CASK: variants seen among roughly 807,000 people sequenced by gnomAD.
The protein encoded by CASK is peripheral plasma membrane protein CASK.
In CASK, 4 loss-of-function variants were observed where a neutral mutation model predicts 82.9. The ratio of observed to expected loss-of-function variants is 0.05; its 90% confidence interval spans 0.02 to 0.11. The LOEUF (loss-of-function observed/expected upper bound fraction) is 0.11, where lower values mean the gene tolerates loss of function less well. Ranked by LOEUF, CASK falls within the 10% of genes least tolerant of loss-of-function variation. The pLI, the probability that CASK is intolerant of heterozygous loss-of-function variation, is 1.00. For missense variants in CASK, 358 were observed against 720.9 expected (o/e 0.50, Z 5.76); for synonymous variants, 259 against 253.5 (o/e 1.02, Z -0.20).
intron 3 of CASK, among the ~76,000 whole-genome samples, chrX:41,767,940 A>G (rs1271194283): frequency 1.8e-5 from 2 of 111,992 alleles, no homozygotes; most frequent in Non-Finnish European, 3.8e-5. Flanking sequence ...GTGAGTTACT[A>G]AGTCCAACCT....
At chrX:41,562,359 G>A (rs1251793808) in intron 16 of CASK, 2 of 112,393 alleles carry the variant, frequency 1.8e-5, no homozygotes, top group African/African-American at 6.5e-5. Context: ...TATAAATTGT[G>A]CAGAAATGTA....
At chrX:41,901,548 A>G (rs1156819126) in intron 1 of CASK, among the ~76,000 whole-genome samples, 1 of 111,015 alleles carries the variant, frequency 9.0e-6, no homozygotes, top group Non-Finnish European at 1.9e-5. Context: ...TGGCTTTGGC[A>G]GGAAAAGCCT....
At chrX:41,852,094 C>G (rs1465491492) in intron 2 of CASK, among the ~76,000 whole-genome samples, 1 of 110,948 alleles carries the variant, frequency 9.0e-6, no homozygotes, top group Non-Finnish European at 1.9e-5. Context: ...TATTAAAGCA[C>G]TAAAAACAAA....
At chrX:41,842,735 T>C (rs2071069741) in intron 2 of CASK, among the ~76,000 whole-genome samples, 1 of 111,644 alleles carries the variant, frequency 9.0e-6, no homozygotes, top group African/African-American at 3.3e-5. Context: ...TTGATAGAGA[T>C]AGCACTGAAT....
At chrX:41,688,588 A>C (rs2067484816) in intron 5 of CASK, among the ~76,000 whole-genome samples, 1 of 112,198 alleles carries the variant, frequency 8.9e-6, no homozygotes, top group Non-Finnish European at 1.9e-5. Flanking sequence ...ATACATGAAA[A>C]TATGCTAAAA....
chrX:41,873,182 G>C (rs1020009349), intron 1 of CASK, among the ~76,000 whole-genome samples: 2 of 105,642 alleles, frequency 1.9e-5, no homozygotes, highest in African/African-American at 6.9e-5. Flanking sequence ...AGTAGCAGTA[G>C]TAGTCAGTAT....
intron 2 of CASK, among the ~76,000 whole-genome samples, chrX:41,830,439 T>C (rs1280493853): frequency 9.0e-6 from 1 of 111,249 alleles, no homozygotes; most frequent in Non-Finnish European, 1.9e-5. Flanking sequence ...CCATAACTAA[T>C]TATATGACCT....
intron 16 of CASK, among the ~76,000 whole-genome samples, chrX:41,563,136 G>A (rs372237271): frequency 4.0e-4 from 42 of 105,166 alleles, no homozygotes; most frequent in Admixed American, 7.3e-4. Flanking sequence ...TGAGTGAGGC[G>A]AGAAGATCAC....
intron 3 of CASK, among the ~76,000 whole-genome samples, chrX:41,762,977 C>T (rs2069031470): frequency 9.0e-6 from 1 of 111,171 alleles, no homozygotes; most frequent in Non-Finnish European, 1.9e-5. Flanking sequence ...CTGTTTGCCA[C>T]TGGATGAAAC....
chrX:41,812,789 G>A (rs1476739774), intron 2 of CASK, among the ~76,000 whole-genome samples: 1 of 111,631 alleles, frequency 9.0e-6, no homozygotes, highest in Non-Finnish European at 1.9e-5. Flanking sequence ...TAGGAAAAGA[G>A]GAAGTCAAAT....
At chrX:41,773,916 T>C (rs1291615545) in intron 3 of CASK, among the ~76,000 whole-genome samples, 2 of 111,901 alleles carry the variant, frequency 1.8e-5, no homozygotes, top group South Asian at 3.8e-4. Flanking sequence ...TTTCTACTAT[T>C]GTAGACTTTC....
intron 5 of CASK, among the ~76,000 whole-genome samples, chrX:41,721,608 C>T (rs750392385): frequency 1.3e-3 from 143 of 111,855 alleles, no homozygotes; most frequent in African/African-American, 4.4e-3. Flanking sequence ...CCCTTATTGA[C>T]CTGCTAGAAC....
intron 1 of CASK, among the ~76,000 whole-genome samples, chrX:41,883,862 A>G (rs760748292): frequency 1.8e-5 from 2 of 111,529 alleles, no homozygotes; most frequent in Non-Finnish European, 3.8e-5. Flanking sequence ...GCTTGGAGCA[A>G]AAGAAATCAC....
At chrX:41,796,087 A>G (rs1333592848) in intron 2 of CASK, among the ~76,000 whole-genome samples, 6 of 111,647 alleles carry the variant, frequency 5.4e-5, no homozygotes, top group Non-Finnish European at 1.1e-4. Context: ...TGGTCACCCT[A>G]CTTCCACAGA....
rs1001552484 is a variant in CASK at position 41,660,291 on chromosome X, G to C, written c.831+148C>G. 9.7e-6 allele frequency: 5 copies of C among 514,139 alleles called. No homozygotes were observed. In the African/African-American group the frequency reaches 1.2e-4, roughly 12 times the overall value. 42.4% of individuals were successfully genotyped at this position (514,139 alleles called of 1,213,427 possible). ...CTATTCAGATGTTCACAGATGATGT[G>C]CAGGAACAGCAAACAAGATGAAAAA... is the stretch of plus-strand genomic sequence containing the variant. On this transcript the variant is annotated intron_variant, in intron 8 of 26. Transcript: ENST00000378163.
At chrX:41,844,165 T>C (rs1376430219) in intron 2 of CASK, among the ~76,000 whole-genome samples, 1 of 111,897 alleles carries the variant, frequency 8.9e-6, no homozygotes, top group Non-Finnish European at 1.9e-5. Flanking sequence ...TTTACATTCA[T>C]AAGGGATATT....
chrX:41,553,647 T>A, intron 21 of CASK, 72 bp downstream of exon 21: 1 of 827,090 alleles, frequency 1.2e-6, no homozygotes, highest in South Asian at 2.2e-5. Flanking sequence ...TAAAATAATA[T>A]AAAATTGGAA....
intron 11 of CASK, among the ~76,000 whole-genome samples, chrX:41,614,224 T>C (rs1460690955): frequency 8.9e-6 from 1 of 111,789 alleles, no homozygotes; most frequent in Non-Finnish European, 1.9e-5. Flanking sequence ...TATCCCCTCC[T>C]AACCTGTGGC....
At chrX:41,863,411 C>T (rs2071529824) in intron 1 of CASK, among the ~76,000 whole-genome samples, 1 of 111,615 alleles carries the variant, frequency 9.0e-6, no homozygotes, top group South Asian at 3.8e-4. Flanking sequence ...CAAACCCCTC[C>T]CCAAGGGGCT....
Sources: allele counts gnomAD v4.1 joint callset (sites outside exome capture counted in the v4.1 genomes callset), GRCh38; gene constraint gnomAD v4.1.1; transcripts MANE v1.5; gene names NCBI Gene and HGNC (gene_info 2026-07-23, HGNC 2026-07-21).